WDFY1: variants seen among roughly 807,000 people sequenced by gnomAD.
The protein encoded by WDFY1 is WD repeat and FYVE domain containing 1.
WDFY1 carries 32 observed loss-of-function variants against 56.4 expected under a neutral mutation model. The ratio of observed to expected loss-of-function variants is 0.57; its 90% CI spans 0.43 to 0.76. WDFY1 has a LOEUF of 0.76. Among genes scored for constraint, WDFY1 ranks in the 30% least tolerant of loss-of-function variants. The pLI is 0.00. For synonymous variants in WDFY1, 192 were observed against 197.3 expected, an observed-to-expected ratio of 0.97 and a Z score of 0.23; for missense variants, 480 against 545.7, an observed-to-expected ratio of 0.88 and a Z score of 1.20.
chr2:223,941,884 G>A (rs115624958), intron 1 of WDFY1, among the ~76,000 whole-genome samples: 2,711 of 152,110 alleles, frequency 0.018, 74 homozygotes, highest in African/African-American at 0.062. Flanking sequence ...AAAAACCCAC[G>A]CCCATGTGCT....
chr2:223,885,599 C>T lies in WDFY1; in HGVS notation c.832-850G>A, dbSNP rs964108067. Among the ~76,000 whole-genome samples the T allele has an allele frequency of 7.2e-5, 11 of 152,150 alleles. No individual in the cohort carries two copies. The South Asian group carries it at 2.3e-3, about 32-fold the overall frequency. On this transcript the variant is annotated intron_variant, in intron 8 of 11. Transcript: ENST00000233055. ...GAGTAAATCAGTTTTTATTGTGAACCCTTAAGGGTTGTCTTTATGTATTTC... is the reference window on the plus strand; with the variant it reads ...GAGTAAATCAGTTTTTATTGTGAACTCTTAAGGGTTGTCTTTATGTATTTC...
At chr2:223,908,837 G>A (rs1209946415) in intron 3 of WDFY1, among the ~76,000 whole-genome samples, 2 of 152,090 alleles carry the variant, frequency 1.3e-5, no homozygotes, top group Non-Finnish European at 2.9e-5. Flanking sequence ...CTAATTCCTG[G>A]CTAGAAACCT....
chr2:223,920,645 G>A (rs1256405467), intron 1 of WDFY1, among the ~76,000 whole-genome samples: 1 of 152,202 alleles, frequency 6.6e-6, no homozygotes, highest in Non-Finnish European at 1.5e-5. Flanking sequence ...AACCTTGCAG[G>A]AAACCTTGCA....
At position 223,878,316 on chromosome 2, in the gene WDFY1, T is replaced by G. The variant is rs1316726119; in HGVS notation, c.*355A>C. 1.2e-5 allele frequency: 2 copies of G among 169,242 alleles called. No homozygotes were observed. The highest frequency in any genetic ancestry group is 4.8e-5 in the African/African-American group (2 of 41,934). 10.5% of individuals were successfully genotyped at this position (169,242 alleles called of 1,614,324 possible). On this transcript the variant is annotated 3_prime_UTR_variant, in exon 12 of 12. Transcript: ENST00000233055. ...CCTAGGCTAAGTGAAGTGTCTGTACTTGTGACTGCTTTGAGAAGGTTCTAA... is the reference window on the plus strand; with the variant it reads ...CCTAGGCTAAGTGAAGTGTCTGTACGTGTGACTGCTTTGAGAAGGTTCTAA...
chr2:223,913,283 C>A (rs908557340), intron 2 of WDFY1, among the ~76,000 whole-genome samples: 2 of 150,962 alleles, frequency 1.3e-5, no homozygotes, highest in Non-Finnish European at 3.0e-5. Flanking sequence ...ATATAAAGTT[C>A]TCTCTCTCTA....
chr2:223,891,916 G>A (rs1038030661), intron 8 of WDFY1, among the ~76,000 whole-genome samples: 4 of 152,118 alleles, frequency 2.6e-5, no homozygotes, highest in African/African-American at 7.2e-5. Flanking sequence ...GCTGATAAAC[G>A]TAAAACACAG....
intron 1 of WDFY1, among the ~76,000 whole-genome samples, chr2:223,922,786 T>C (rs991177050): frequency 3.3e-5 from 5 of 152,246 alleles, no homozygotes; most frequent in African/African-American, 9.6e-5. Flanking sequence ...AAAGGTTGTC[T>C]CTTCCAACCA....
chr2:223,944,575 A>T (rs1263862175), intron 1 of WDFY1, among the ~76,000 whole-genome samples: 2 of 146,322 alleles, frequency 1.4e-5, no homozygotes, highest in Non-Finnish European at 3.0e-5. Context: ...GGCGCACTGG[A>T]ACCGGGGTCC....
chr2:223,897,841 G>A (rs1355939616), intron 6 of WDFY1, among the ~76,000 whole-genome samples: 1 of 151,844 alleles, frequency 6.6e-6, no homozygotes, highest in Non-Finnish European at 1.5e-5. Flanking sequence ...AAAAGTGTGT[G>A]GCACCCCCAC....
intron 3 of WDFY1, among the ~76,000 whole-genome samples, chr2:223,906,929 A>G (rs1021159280): frequency 1.3e-5 from 2 of 149,554 alleles, no homozygotes; most frequent in East Asian, 1.9e-4. Context: ...ATAAAACTCT[A>G]AAGAAAAATC....
chr2:223,888,260 A>G (rs1309897473), intron 8 of WDFY1, among the ~76,000 whole-genome samples: 1 of 151,690 alleles, frequency 6.6e-6, no homozygotes, highest in Non-Finnish European at 1.5e-5. Context: ...TTTTTGTACA[A>G]AGAGGGTTTC....
chr2:223,933,772 C>T (rs560013934), intron 1 of WDFY1, among the ~76,000 whole-genome samples: 10 of 148,686 alleles, frequency 6.7e-5, no homozygotes, highest in Non-Finnish European at 1.3e-4. Context: ...GCCTGGGCAA[C>T]ATAGTGAGAC....
Position 223,912,058 on chromosome 2 carries a change from G to A in WDFY1, c.279+195C>T, listed in dbSNP as rs764591683. On this transcript the variant is annotated intron_variant, in intron 3 of 11. Coordinates refer to ENST00000233055, the MANE Select transcript of WDFY1 (RefSeq NM_020830.5). ...TCAAACTCCTGGGCTCAAGCGATCCGCCCGCCTCAGCCTCCTAAAGTGCTG... is the reference window on the plus strand; with the variant it reads ...TCAAACTCCTGGGCTCAAGCGATCCACCCGCCTCAGCCTCCTAAAGTGCTG... Among the ~76,000 whole-genome samples, 81 of 152,008 alleles carry A rather than the reference G, an allele frequency of 5.3e-4. 1 individual carries two copies. Among genetic ancestry groups the A allele is most frequent in the Admixed American group, 4.8e-3 (73 of 15,266 alleles).
At chr2:223,881,304 C>A (rs1474862001) in intron 10 of WDFY1, among the ~76,000 whole-genome samples, 1 of 152,184 alleles carries the variant, frequency 6.6e-6, no homozygotes, top group Non-Finnish European at 1.5e-5. Context: ...CCACTGCCAT[C>A]CACAGGTGCA....
chr2:223,896,993 T>G (rs1002323687), intron 6 of WDFY1, among the ~76,000 whole-genome samples: 1 of 152,250 alleles, frequency 6.6e-6, no homozygotes, highest in African/African-American at 2.4e-5. Context: ...AAACAGAAAG[T>G]GGTTTCTTCA....
chr2:223,919,359 C>T lies in WDFY1; in HGVS notation c.138-1349G>A, dbSNP rs181042097. On this transcript the variant is annotated intron_variant, in intron 1 of 11. Coordinates refer to ENST00000233055, the MANE Select transcript of WDFY1 (RefSeq NM_020830.5). The stretch of plus-strand genomic sequence containing the variant: ...TCAAGTAGCTGGGATTACAGGCGCA[C>T]GCCACCACACCCAGCTAATTTTTGT... Among the ~76,000 whole-genome samples the T allele has an allele frequency of 3.9e-3, 589 of 152,206 alleles. 4 individuals carry two copies. Among genetic ancestry groups the T allele is most frequent in the Non-Finnish European group, 4.2e-3 (286 of 68,002 alleles).
chr2:223,942,871 C>T (rs1310944272), intron 1 of WDFY1, among the ~76,000 whole-genome samples: 1 of 151,122 alleles, frequency 6.6e-6, no homozygotes, highest in Admixed American at 6.6e-5. Flanking sequence ...TCTGCATCTA[C>T]GTTCACATCA....
At chr2:223,920,594 G>A (rs767621363) in intron 1 of WDFY1, among the ~76,000 whole-genome samples, 5 of 152,258 alleles carry the variant, frequency 3.3e-5, no homozygotes, top group Admixed American at 6.5e-5. Context: ...CCTTTCAGGA[G>A]TAAGAGTGCC....
chr2:223,896,170 A>AAAAAAAAAAG (rs1693370790), intron 6 of WDFY1, among the ~76,000 whole-genome samples: 1 of 146,540 alleles, frequency 6.8e-6, no homozygotes, highest in East Asian at 1.9e-4. Flanking sequence ...AAAAAAAAAA[A>AAAAAAAAAAG]AAAAAAAAAA....
Sources: gnomAD v4.1 joint callset for allele counts (sites outside exome capture counted in the v4.1 genomes callset) on GRCh38, gnomAD v4.1.1 for gene constraint, MANE v1.5 for transcripts, NCBI Gene and HGNC (gene_info 2026-07-23, HGNC 2026-07-21) for gene names.